The following MAP3K13 variants were observed in gnomAD, a reference collection of about 807,000 sequenced individuals.
MAP3K13 encodes leucine zipper-bearing kinase.
In MAP3K13, 52 loss-of-function variants were observed where a neutral mutation model predicts 104.0. The observed-to-expected ratio is 0.50, with a 90% CI of 0.40 to 0.63. The LOEUF (loss-of-function observed/expected upper bound fraction) is 0.63. MAP3K13 is among the 20% of genes least tolerant of loss of function. The pLI is 0.00. For missense variants in MAP3K13, 914 were observed against 1,218.5 expected, an observed-to-expected ratio of 0.75 and a Z score of 3.72; for synonymous variants, 394 against 442.2, an observed-to-expected ratio of 0.89 and a Z score of 1.37.
intron 7 of MAP3K13, among the ~76,000 whole-genome samples, chr3:185,455,107 GATATATGAGAT>G (rs1560118384): frequency 9.1e-6 from 1 of 110,392 alleles, no homozygotes; most frequent in East Asian, 2.4e-4. Flanking sequence ...ATATATGTGA[GATATATGAGAT>G]ATATGTGAGA....
chr3:185,354,337 G>C (rs1198016144), intron 2 of MAP3K13, among the ~76,000 whole-genome samples: 2 of 150,350 alleles, frequency 1.3e-5, no homozygotes, highest in African/African-American at 4.9e-5. Context: ...GCTTCAAACC[G>C]GGGCAACGGC....
At chr3:185,329,123 T>C in intron 2 of MAP3K13, 2 of 505,850 alleles carry the variant, frequency 4.0e-6, no homozygotes, top group Non-Finnish European at 7.0e-6. Context: ...GTAGTTTTAT[T>C]TTTTTTTAAT....
intron 1 of MAP3K13, among the ~76,000 whole-genome samples, chr3:185,410,872 T>C (rs1324076813): frequency 1.3e-5 from 2 of 150,902 alleles, no homozygotes; most frequent in African/African-American, 4.9e-5. Flanking sequence ...GAGGCAGAGG[T>C]TGCAGTGAAC....
intron 1 of MAP3K13, among the ~76,000 whole-genome samples, chr3:185,408,508 G>T (rs1292461798): frequency 6.6e-6 from 1 of 151,970 alleles, no homozygotes; most frequent in Non-Finnish European, 1.5e-5. Flanking sequence ...GATGGTATAG[G>T]TTGCAGTGAG....
chr3:185,399,245 AT>A (rs1196343544), intron 1 of MAP3K13, among the ~76,000 whole-genome samples: 2 of 152,094 alleles, frequency 1.3e-5, no homozygotes, highest in African/African-American at 4.8e-5. Flanking sequence ...TGAGAAAAAA[AT>A]GCTGATCACC....
chr3:185,400,721 G>A (rs985363875), intron 1 of MAP3K13, among the ~76,000 whole-genome samples: 2 of 151,284 alleles, frequency 1.3e-5, no homozygotes, highest in South Asian at 4.2e-4. Flanking sequence ...TATTTAAGCA[G>A]CATGCAAGAA....
chr3:185,452,529 C>T (rs1438562875), intron 7 of MAP3K13, among the ~76,000 whole-genome samples: 1 of 152,162 alleles, frequency 6.6e-6, no homozygotes, highest in African/African-American at 2.4e-5. Context: ...GAGCCATTGC[C>T]TGGCCCCATC....
At position 185,413,571 on chromosome 3, in the gene MAP3K13, C is replaced by T. The variant is rs550988633; in HGVS notation, c.-85-14926C>T. The stretch of plus-strand genomic sequence containing the variant: ...GCGCGGTGGTTCACACCTGTAATCC[C>T]AGCAATTTGGGAGGCCGAGGTGGGT... On this transcript the variant is annotated intron_variant, in intron 1 of 13. Transcript: ENST00000265026. Among the ~76,000 whole-genome samples the T allele has an allele frequency of 7.9e-5, 12 of 152,210 alleles. No individual in the cohort carries two copies. In the South Asian group the frequency reaches 1.7e-3, roughly 21 times the overall value.
chr3:185,357,098 GT>G (rs1205660915), intron 2 of MAP3K13, among the ~76,000 whole-genome samples: 6,180 of 147,370 alleles, frequency 0.042, 404 homozygotes, highest in African/African-American at 0.14. Context: ...GAGTTAAGAA[GT>G]TTTTTTTTTT....
At chr3:185,425,758 C>T (rs1359669943) in intron 1 of MAP3K13, among the ~76,000 whole-genome samples, 1 of 152,210 alleles carries the variant, frequency 6.6e-6, no homozygotes, top group East Asian at 1.9e-4. Context: ...CCTGGAATGC[C>T]TAGTCTTTCT....
At chr3:185,464,797 A>G (rs1330026460) in intron 8 of MAP3K13, among the ~76,000 whole-genome samples, 1 of 152,206 alleles carries the variant, frequency 6.6e-6, no homozygotes. Context: ...GGAGCTGAGA[A>G]GTCCATAATC....
At chr3:185,410,504 TC>T (rs1713377163) in intron 1 of MAP3K13, among the ~76,000 whole-genome samples, 1 of 152,118 alleles carries the variant, frequency 6.6e-6, no homozygotes, top group Non-Finnish European at 1.5e-5. Context: ...ATTTTAATGT[TC>T]CCAACACAAA....
intron 1 of MAP3K13, among the ~76,000 whole-genome samples, chr3:185,406,414 T>C (rs1713116993): frequency 6.6e-6 from 1 of 152,230 alleles, no homozygotes; most frequent in Non-Finnish European, 1.5e-5. Context: ...CTAGCTATTG[T>C]GCAATTTAAG....
chr3:185,455,061 G>GATATATATATGAGATATATGTGAT (rs796802105), intron 7 of MAP3K13, among the ~76,000 whole-genome samples: 1 of 87,810 alleles, frequency 1.1e-5, no homozygotes, highest in African/African-American at 4.7e-5. Flanking sequence ...ATATATGTGA[G>GATATATATATGAGATATATGTGAT]ATATATATGA....
At chr3:185,364,391 C>T (rs890949615) in intron 1 of MAP3K13, among the ~76,000 whole-genome samples, 3 of 152,220 alleles carry the variant, frequency 2.0e-5, no homozygotes, top group Admixed American at 6.5e-5. Context: ...TTCCCAACTG[C>T]TTCACTTTGA....
In MAP3K13 at chr3:185,453,787, T is replaced by C. The variant is rs1195796058; in HGVS notation, c.1278+2392T>C. On this transcript the variant is annotated intron_variant, in intron 7 of 13. Transcript: ENST00000265026. ...CCGTCTAAAAAAAAAAAAAATTATA[T>C]ATATATATGAGATATATATATATGA... is the stretch of plus-strand genomic sequence containing the variant. Among the ~76,000 whole-genome samples the C allele has an allele frequency of 5.2e-5, 4 of 77,212 alleles. No individual in the cohort carries two copies. The Admixed American group carries it at 6.6e-4, about 13-fold the overall frequency. 50.7% of individuals were successfully genotyped at this position (77,212 alleles called of 152,430 possible).
intron 11 of MAP3K13, among the ~76,000 whole-genome samples, chr3:185,474,457 A>C (rs1717992042): frequency 6.6e-6 from 1 of 152,240 alleles, no homozygotes; most frequent in Non-Finnish European, 1.5e-5. Flanking sequence ...TAAGTTTAAG[A>C]AGCACAGTAT....
At chr3:185,407,825 C>A (rs1353798427) in intron 1 of MAP3K13, among the ~76,000 whole-genome samples, 2 of 148,628 alleles carry the variant, frequency 1.3e-5, no homozygotes, top group Non-Finnish European at 3.0e-5. Flanking sequence ...AATATGTAGC[C>A]TTTTGTCTTT....
chr3:185,410,029 G>A (rs1163854611), intron 1 of MAP3K13, among the ~76,000 whole-genome samples: 1 of 152,148 alleles, frequency 6.6e-6, no homozygotes, highest in Admixed American at 6.5e-5. Context: ...GAGATCCCTC[G>A]AATGTGCAGT....
Sources: allele counts gnomAD v4.1 joint callset (sites outside exome capture counted in the v4.1 genomes callset), GRCh38; gene constraint gnomAD v4.1.1; transcripts MANE v1.5; gene names NCBI Gene and HGNC (gene_info 2026-07-23, HGNC 2026-07-21).